SORCS2: variants seen among roughly 807,000 people sequenced by gnomAD.
SORCS2 encodes the protein VPS10 domain-containing receptor SorCS2.
SORCS2 carries 100 observed loss-of-function variants against 141.6 expected under a neutral mutation model. The ratio of observed to expected loss-of-function variants is 0.71; its 90% CI spans 0.60 to 0.83. The LOEUF (loss-of-function observed/expected upper bound fraction) is 0.83. Ranked by LOEUF, SORCS2 falls within the 40% of genes least tolerant of loss-of-function variation. SORCS2 has a pLI of 0.00. For missense variants in SORCS2, 1,646 were observed against 1,560.2 expected (o/e 1.05, Z -0.93); for synonymous variants, 789 against 676.9 (o/e 1.17, Z -2.57).
At chr4:7,495,040 A>G (rs1255217470) in intron 2 of SORCS2, among the ~76,000 whole-genome samples, 1 of 152,240 alleles carries the variant, frequency 6.6e-6, no homozygotes, top group Non-Finnish European at 1.5e-5. Flanking sequence ...ACAGCTGAAG[A>G]AACAGAGAGG....
chr4:7,213,192 C>T (rs1018956804), intron 1 of SORCS2, among the ~76,000 whole-genome samples: 1 of 152,248 alleles, frequency 6.6e-6, no homozygotes, highest in Admixed American at 6.5e-5. Flanking sequence ...CAACCCCTGG[C>T]ATGTGGTCCC....
At chr4:7,330,156 A>G (rs1482691928) in intron 1 of SORCS2, among the ~76,000 whole-genome samples, 2 of 151,080 alleles carry the variant, frequency 1.3e-5, no homozygotes, top group Admixed American at 6.6e-5. Flanking sequence ...TGGTCGTCCA[A>G]TCTCCCTCTT....
intron 1 of SORCS2, among the ~76,000 whole-genome samples, chr4:7,271,863 C>A (rs1236220994): frequency 2.0e-5 from 3 of 152,194 alleles, no homozygotes; most frequent in African/African-American, 7.2e-5. Context: ...GAAGGATGGG[C>A]CCTGGATGGG....
intron 1 of SORCS2, among the ~76,000 whole-genome samples, chr4:7,282,100 G>T (rs1167683759): frequency 6.6e-6 from 1 of 152,206 alleles, no homozygotes; most frequent in African/African-American, 2.4e-5. Flanking sequence ...TTTCACTACT[G>T]TGGTTTTTCC....
At chr4:7,659,458 C>A (rs534047059) in intron 5 of SORCS2, among the ~76,000 whole-genome samples, 13 of 152,268 alleles carry the variant, frequency 8.5e-5, no homozygotes, top group African/African-American at 2.6e-4. Context: ...ATTCCAGGTG[C>A]TTCATAGGCT....
chr4:7,288,710 C>T (rs958019189), intron 1 of SORCS2, among the ~76,000 whole-genome samples: 2 of 146,052 alleles, frequency 1.4e-5, no homozygotes, highest in Non-Finnish European at 3.0e-5. Context: ...CCTCTTTAAC[C>T]TTAATCACCT....
At chr4:7,490,748 A>G (rs954393649) in intron 2 of SORCS2, among the ~76,000 whole-genome samples, 1 of 152,140 alleles carries the variant, frequency 6.6e-6, no homozygotes, top group Non-Finnish European at 1.5e-5. Context: ...TGTAATGGCT[A>G]TGCCTGTGAG....
intron 1 of SORCS2, among the ~76,000 whole-genome samples, chr4:7,340,697 C>T (rs1411383057): frequency 3.9e-5 from 6 of 152,208 alleles, no homozygotes; most frequent in Non-Finnish European, 7.3e-5. Flanking sequence ...AGCTGCAGGC[C>T]CCACTTGCAG....
chr4:7,662,559 C>T (rs144551467), intron 6 of SORCS2, among the ~76,000 whole-genome samples: 22 of 152,298 alleles, frequency 1.4e-4, no homozygotes, highest in Middle Eastern at 3.4e-3. Context: ...AAGCACCTAG[C>T]CAGATGCCAG....
At chr4:7,583,421 C>T (rs754358497) in intron 3 of SORCS2, among the ~76,000 whole-genome samples, 5 of 152,254 alleles carry the variant, frequency 3.3e-5, no homozygotes, top group East Asian at 3.9e-4. Flanking sequence ...CATACCACCT[C>T]GTAATAATAA....
chr4:7,628,759 G>C (rs898806438), intron 3 of SORCS2, among the ~76,000 whole-genome samples: 7 of 151,952 alleles, frequency 4.6e-5, no homozygotes, highest in Admixed American at 4.6e-4. Flanking sequence ...CTGCACTTTG[G>C]GGTGATGGTA....
At chr4:7,457,703 G>C (rs371742566) in intron 2 of SORCS2, among the ~76,000 whole-genome samples, 34 of 151,372 alleles carry the variant, frequency 2.2e-4, no homozygotes, top group Middle Eastern at 3.4e-3. Flanking sequence ...CAAGCTGACA[G>C]GTGTGAGCTG....
chr4:7,539,589 T>G (rs1712400416), intron 3 of SORCS2, among the ~76,000 whole-genome samples: 1 of 152,046 alleles, frequency 6.6e-6, no homozygotes, highest in Non-Finnish European at 1.5e-5. Context: ...TTCCTTCTCT[T>G]TGTCTCTCAC....
Position 7,324,559 on chromosome 4 carries a change from G to A in SORCS2, c.481-71729G>A, listed in dbSNP as rs372532008. On this transcript the variant is annotated intron_variant, in intron 1 of 26. Transcript: ENST00000507866. ...TCACCCCTGCCGTGCTCACTCTCCC[G>A]GCACACTTTAATTACAGTGAAAAGC... Among the ~76,000 whole-genome samples, 325 of 152,288 alleles carry A rather than the reference G, an allele frequency of 2.1e-3. 10 individuals carry two copies. The South Asian group carries it at 0.065, about 31-fold the overall frequency.
chr4:7,371,566 G>C (rs1722251123), intron 1 of SORCS2, among the ~76,000 whole-genome samples: 1 of 152,114 alleles, frequency 6.6e-6, no homozygotes, highest in Non-Finnish European at 1.5e-5. Flanking sequence ...CTTTTTCCCG[G>C]AGCCCAAGGA....
intron 3 of SORCS2, among the ~76,000 whole-genome samples, chr4:7,589,840 G>A (rs886678752): frequency 6.6e-6 from 1 of 152,202 alleles, no homozygotes; most frequent in African/African-American, 2.4e-5. Flanking sequence ...CACACAGCAG[G>A]GGAAATGGCA....
At chr4:7,525,430 G>T (rs188596723) in intron 2 of SORCS2, among the ~76,000 whole-genome samples, 52 of 152,202 alleles carry the variant, frequency 3.4e-4, no homozygotes, top group African/African-American at 1.2e-3. Flanking sequence ...GGGAGCAGCA[G>T]TGGGCGGACA....
chr4:7,477,263 G>A (rs1246666392), intron 2 of SORCS2, among the ~76,000 whole-genome samples: 2 of 49,294 alleles, frequency 4.1e-5, no homozygotes. Context: ...CTGGCTATGG[G>A]GACAGCTTCT....
chr4:7,320,471 C>T (rs748404045), intron 1 of SORCS2, among the ~76,000 whole-genome samples: 2 of 152,208 alleles, frequency 1.3e-5, no homozygotes, highest in African/African-American at 2.4e-5. Flanking sequence ...GTGATATTAC[C>T]TGCTGGGAAG....
Sources: allele counts gnomAD v4.1 joint callset (sites outside exome capture counted in the v4.1 genomes callset), GRCh38; gene constraint gnomAD v4.1.1; transcripts MANE v1.5; gene names NCBI Gene and HGNC (gene_info 2026-07-23, HGNC 2026-07-21).